LARS1: variants seen among roughly 807,000 people sequenced by gnomAD.
The protein encoded by LARS1 is leucyl-tRNA synthetase 1, also known as leucine--tRNA ligase, cytoplasmic.
A neutral mutation model predicts 162.8 loss-of-function variants in LARS1; 100 were observed. The observed-to-expected ratio is 0.61, with a 90% CI of 0.52 to 0.73. LARS1 has a LOEUF of 0.73. LARS1 is among the 30% of genes least tolerant of loss of function. LARS1 has a pLI of 0.00. For missense variants in LARS1, 1,258 were observed against 1,408.9 expected, an observed-to-expected ratio of 0.89 and a Z score of 1.71; for synonymous variants, 457 against 462.8, an observed-to-expected ratio of 0.99 and a Z score of 0.16.
chr5:146,125,002 T>TACACAC (rs141205004), intron 28 of LARS1, among the ~76,000 whole-genome samples: 31,884 of 150,822 alleles, frequency 0.21, 4,234 homozygotes, highest in Admixed American at 0.32. Flanking sequence ...TATCATTTTA[T>TACACAC]ACACACACAC....
rs550092128 is a variant in LARS1, at chr5:146,157,548, A to G, written c.920T>C (p.Val307Ala). ...TCCAATGTACTTCATATCAGGACGA[A>G]CCCAACAATTTGTCTGCCCAAACAT... Reference protein sequence around the residue: ...ETMFGQTNCWVRPDMKYIGFE... With the variant: ...ETMFGQTNCWARPDMKYIGFE... Residue 307 changes from valine to alanine, a missense_variant, in exon 10 of 32, where the codon GTT becomes GCT. Transcript: ENST00000394434. 6.2e-7 allele frequency: 1 copy of G among 1,614,160 alleles called. No homozygotes were observed. The highest frequency in any genetic ancestry group is 1.7e-5 in the Admixed American group (1 of 60,006).
At chr5:146,180,154 C>T (rs1213328114) in intron 1 of LARS1, among the ~76,000 whole-genome samples, 1 of 152,108 alleles carries the variant, frequency 6.6e-6, no homozygotes, top group African/African-American at 2.4e-5. Context: ...TCACTTGAAC[C>T]CAGGAGATCA....
At chr5:146,134,401 T>C (rs558180353) in intron 22 of LARS1, among the ~76,000 whole-genome samples, 21 of 152,302 alleles carry the variant, frequency 1.4e-4, no homozygotes, top group African/African-American at 4.6e-4. Flanking sequence ...ACTAACTATA[T>C]TATTTGGATA....
intron 3 of LARS1, among the ~76,000 whole-genome samples, chr5:146,172,478 T>C (rs1754326474): frequency 1.3e-5 from 2 of 151,966 alleles, no homozygotes; most frequent in South Asian, 2.1e-4. Flanking sequence ...ATCACACCAC[T>C]GCACTCCAGC....
At chr5:146,155,824 G>T (rs954620886) in intron 10 of LARS1, among the ~76,000 whole-genome samples, 1 of 152,172 alleles carries the variant, frequency 6.6e-6, no homozygotes, top group Non-Finnish European at 1.5e-5. Flanking sequence ...CCCTAATACT[G>T]TTCCCAAGAA....
Position 146,151,971 on chromosome 5 carries a change from T to A in LARS1, c.1316A>T (p.Asn439Ile), listed in dbSNP as rs559153062. The change falls in exon 14 of 32, where the codon AAT (asparagine) becomes ATT (isoleucine). Residue 439 changes from asparagine to isoleucine, a missense_variant. By Grantham distance (149) the Asn-to-Ile change is moderately radical (BLOSUM62 -3). Transcript: ENST00000394434. ...VPVIEIPGFGNLSAVTICDEL... is the reference protein window; with the variant it reads ...VPVIEIPGFGILSAVTICDEL... ...ATCACAAATGGTTACAGCAGAAAGA[T>A]TTCCAAAACCTGGGATTTCAATGAC... is the stretch of plus-strand genomic sequence containing the variant. 1 of 1,614,108 alleles carries A rather than the reference T, an allele frequency of 6.2e-7. No homozygotes were observed. Among genetic ancestry groups the A allele is most frequent in the African/African-American group, 1.3e-5 (1 of 75,038 alleles).
chr5:146,114,332 A>T, intron 31 of LARS1, 21 bp from the exon 32 acceptor site: 2 of 1,591,628 alleles, frequency 1.3e-6, no homozygotes, highest in South Asian at 2.2e-5. Flanking sequence ...ATAAATTATC[A>T]ATATAAGCAT....
chr5:146,181,641 G>A (rs917172148), intron 1 of LARS1, among the ~76,000 whole-genome samples: 1 of 151,884 alleles, frequency 6.6e-6, no homozygotes, highest in Admixed American at 6.6e-5. Flanking sequence ...CACAGAGTGA[G>A]AACATCTCCC....
intron 14 of LARS1, among the ~76,000 whole-genome samples, chr5:146,150,499 G>A (rs1018093505): frequency 1.3e-5 from 2 of 151,924 alleles, no homozygotes; most frequent in Non-Finnish European, 2.9e-5. Flanking sequence ...TGATGGCAGG[G>A]GCCTGTAATC....
At chr5:146,122,854 A>G (rs1751887257) in intron 29 of LARS1, among the ~76,000 whole-genome samples, 1 of 152,076 alleles carries the variant, frequency 6.6e-6, no homozygotes, top group African/African-American at 2.4e-5. Flanking sequence ...CATATAAAAC[A>G]AAATGAAAAT....
intron 28 of LARS1, 27 bp downstream of exon 28, chr5:146,126,408 C>A: frequency 7.1e-7 from 1 of 1,414,858 alleles, no homozygotes; most frequent in South Asian, 1.2e-5. Flanking sequence ...CTCATGTGGT[C>A]ACAGCTGCAT....
intron 10 of LARS1, among the ~76,000 whole-genome samples, chr5:146,156,821 C>T (rs772525266): frequency 5.0e-4 from 74 of 148,596 alleles, no homozygotes; most frequent in Non-Finnish European, 8.4e-4. Flanking sequence ...TTAGTATTAC[C>T]AGGAATTCAG....
intron 2 of LARS1, among the ~76,000 whole-genome samples, chr5:146,174,034 T>C (rs1410615909): frequency 6.6e-6 from 1 of 151,630 alleles, no homozygotes; most frequent in Non-Finnish European, 1.5e-5. Context: ...CACTTGTAAT[T>C]ATTTTAAATT....
chr5:146,138,978 C>T (rs935499423), intron 21 of LARS1: 7 of 364,696 alleles, frequency 1.9e-5, no homozygotes, highest in East Asian at 8.1e-5. Flanking sequence ...GACACAGAAT[C>T]GGAGTGATGC....
At chr5:146,182,271 A>G in intron 1 of LARS1, 1 of 629,626 alleles carries the variant, frequency 1.6e-6, no homozygotes, top group Non-Finnish European at 2.8e-6. Flanking sequence ...CTCCAGAGAA[A>G]TAACAAATAT....
chr5:146,118,804 A>G (rs2126360072), intron 31 of LARS1, among the ~76,000 whole-genome samples: 1 of 152,322 alleles, frequency 6.6e-6, no homozygotes, highest in South Asian at 2.1e-4. Flanking sequence ...TTTCACAGCA[A>G]TGTGAATGTA....
rs1160828709 is a variant in LARS1 at position 146,144,510 on chromosome 5, C to T, written c.1617G>A (p.Trp539Ter). 1 of 1,613,830 alleles carries T rather than the reference C, an allele frequency of 6.2e-7. No homozygotes were observed. The highest frequency in any genetic ancestry group is 8.5e-7 in the Non-Finnish European group (1 of 1,179,976). ...TCAAGCACTGAGATGTCTGTTTCTT[C>T]CAATTCTCTTCTCCATAATCCAAGT... ...QWYLDYGEEN[W>*]KKQTSQCLKN... Residue 539 changes from tryptophan (W) to a stop codon, truncating the protein, a stop_gained, in exon 17 of 32, where the codon TGG (tryptophan) becomes TGA (stop). Transcript: ENST00000394434. LOFTEE classifies it high-confidence loss of function.
intron 31 of LARS1, among the ~76,000 whole-genome samples, chr5:146,117,693 G>C (rs1447745267): frequency 3.3e-5 from 5 of 152,178 alleles, no homozygotes; most frequent in African/African-American, 1.2e-4. Flanking sequence ...TGCTCTTTCT[G>C]CTTCTTGTGG....
intron 1 of LARS1, chr5:146,182,052 T>C (rs969878439): frequency 3.7e-5 from 6 of 163,748 alleles, no homozygotes; most frequent in Non-Finnish European, 6.8e-5. Context: ...GCAATTCTCC[T>C]GCCTCAGCCT....
Sources: gnomAD v4.1 joint callset for allele counts (sites outside exome capture counted in the v4.1 genomes callset) on GRCh38, gnomAD v4.1.1 for gene constraint, MANE v1.5 for transcripts, NCBI Gene and HGNC (gene_info 2026-07-23, HGNC 2026-07-21) for gene names.